The following SPATA13 variants were observed in gnomAD, a reference collection of about 807,000 sequenced individuals.
The protein encoded by SPATA13 is spermatogenesis associated 13.
Under a neutral mutation model 104.0 loss-of-function variants are expected in SPATA13, and 50 were observed. That is an observed-to-expected ratio of 0.48 (90% CI 0.38 to 0.61). SPATA13 has a LOEUF of 0.61. Ranked by LOEUF, SPATA13 falls within the 20% of genes least tolerant of loss-of-function variation. SPATA13 has a pLI of 0.00. For synonymous variants in SPATA13, 606 were observed against 667.5 expected (o/e 0.91, Z 1.42); for missense variants, 1,524 against 1,690.6 (o/e 0.90, Z 1.73).
At chr13:24,084,246 G>C (rs1021628834) in intron 3 of SPATA13, among the ~76,000 whole-genome samples, 1 of 152,198 alleles carries the variant, frequency 6.6e-6, no homozygotes, top group Non-Finnish European at 1.5e-5. Flanking sequence ...GGGGAAAAGG[G>C]CCCCAGGTGC....
rs562217423 is a variant in SPATA13, at chr13:24,183,217, A to G, written c.-112+22285A>G. Among the ~76,000 whole-genome samples, 15 of 152,328 alleles carry G rather than the reference A, an allele frequency of 9.8e-5. No individual in the cohort carries two copies. The South Asian group carries it at 2.9e-3, about 29-fold the overall frequency. On this transcript the variant is annotated intron_variant, in intron 1 of 12. Transcript: ENST00000382108. Reference sequence around the variant, plus strand: ...TGAGGTGCATTTGGCAGAGGGCTGAATTTTTCACATATAAAAACATATATG... The same window carrying G: ...TGAGGTGCATTTGGCAGAGGGCTGAGTTTTTCACATATAAAAACATATATG...
intron 12 of SPATA13, among the ~76,000 whole-genome samples, chr13:24,301,205 C>T (rs1877164692): frequency 6.6e-6 from 1 of 152,178 alleles, no homozygotes; most frequent in Admixed American, 6.5e-5. Context: ...TTCCCGTCAT[C>T]TTTCTACTTT....
At chr13:24,291,367 GT>G in intron 9 of SPATA13, among the ~76,000 whole-genome samples, 1 of 152,300 alleles carries the variant, frequency 6.6e-6, no homozygotes, top group East Asian at 1.9e-4. Flanking sequence ...AAAGTTACTT[GT>G]TGTTAAGCAG....
At chr13:23,988,056 G>T (rs1329436752) in intron 2 of SPATA13, among the ~76,000 whole-genome samples, 2 of 151,486 alleles carry the variant, frequency 1.3e-5, no homozygotes, top group Non-Finnish European at 2.9e-5. Context: ...CAATTCTCCT[G>T]CCTCAGCCTC....
At chr13:24,110,885 C>T (rs1481241363) in intron 3 of SPATA13, among the ~76,000 whole-genome samples, 2 of 152,146 alleles carry the variant, frequency 1.3e-5, no homozygotes, top group Non-Finnish European at 2.9e-5. Flanking sequence ...TATGTTTGCA[C>T]CATCTCTGCG....
chr13:24,014,984 G>A (rs546190237), intron 2 of SPATA13, among the ~76,000 whole-genome samples: 1 of 146,052 alleles, frequency 6.8e-6, no homozygotes, highest in Non-Finnish European at 1.5e-5. Context: ...TCCACTTCCT[G>A]GGTTGATGCC....
At chr13:24,157,960 G>T (rs1882313274), upstream of SPATA13, among the ~76,000 whole-genome samples, 1 of 152,102 alleles carries the variant, frequency 6.6e-6, no homozygotes, top group African/African-American at 2.4e-5. Context: ...ATTGTCTTGA[G>T]GATTTAAGAA....
At chr13:24,067,630 A>G (rs1879009821) in intron 3 of SPATA13, among the ~76,000 whole-genome samples, 1 of 152,238 alleles carries the variant, frequency 6.6e-6, no homozygotes, top group African/African-American at 2.4e-5. Flanking sequence ...GGAAGGCTCT[A>G]TGCTGTGTCA....
At chr13:24,085,690 C>T (rs930675720) in intron 3 of SPATA13, among the ~76,000 whole-genome samples, 11 of 152,178 alleles carry the variant, frequency 7.2e-5, no homozygotes, top group Non-Finnish European at 1.6e-4. Context: ...GTTTACCTCC[C>T]GTGCTGGGCA....
intron 4 of SPATA13, among the ~76,000 whole-genome samples, chr13:24,275,732 G>A (rs931813480): frequency 1.3e-5 from 2 of 152,186 alleles, no homozygotes; most frequent in African/African-American, 4.8e-5. Context: ...TCAGGAGTTT[G>A]AGACCAGCCT....
chr13:24,152,192 G>C (rs761633051), intron 3 of SPATA13, among the ~76,000 whole-genome samples: 1 of 152,258 alleles, frequency 6.6e-6, no homozygotes, highest in Admixed American at 6.5e-5. Context: ...TGTAGATTCA[G>C]TGTCTGGTGA....
intron 4 of SPATA13, among the ~76,000 whole-genome samples, chr13:24,266,398 C>A (rs1430851189): frequency 6.6e-6 from 1 of 152,170 alleles, no homozygotes; most frequent in Non-Finnish European, 1.5e-5. Flanking sequence ...GATTCTCTCA[C>A]CTTAGCCTCC....
rs774641517 is a variant in SPATA13, at chr13:24,300,411, T to C, written c.3594T>C (p.Ile1198=). The change falls in exon 12 of 13, where the codon ATT becomes ATC. Residue 1198 remains isoleucine, a synonymous_variant. Transcript: ENST00000382108. ...VQEDKEMGME[I]SENQKKLAML... ...TATTTCTAAATGCAGGAATGGAAAT[T>C]TCAGAAAACCAGAAGAAACTTGCCA... 1 of 1,612,940 alleles carries C rather than the reference T, an allele frequency of 6.2e-7. No individual in the cohort carries two copies. The highest frequency in any genetic ancestry group is 8.5e-7 in the Non-Finnish European group (1 of 1,179,716).
Position 24,300,261 on chromosome 13 carries a change from G to T in SPATA13, c.3584-140G>T, listed in dbSNP as rs148047517. On this transcript the variant is annotated intron_variant, in intron 11 of 12. Transcript: ENST00000382108. ...CTTCCCCTTTTCTGATCTTCAACCT[G>T]TCCACGTTCTTTGAGGATTAAGGTT... The T allele has an allele frequency of 4.2e-4, 269 of 634,356 alleles. No individual in the cohort carries two copies. In the African/African-American group the frequency reaches 4.4e-3, roughly 10 times the overall value. 39.3% of individuals were successfully genotyped at this position (634,356 alleles called of 1,614,324 possible). A position where few individuals can be genotyped will look rare whatever the true frequency, so the allele number is the denominator to read the frequency against.
At chr13:24,036,967 G>T (rs1319302370) in intron 3 of SPATA13, among the ~76,000 whole-genome samples, 2 of 151,546 alleles carry the variant, frequency 1.3e-5, no homozygotes, top group African/African-American at 4.9e-5. Flanking sequence ...GTAGAGACGG[G>T]GTTTGACCAT....
At chr13:24,009,999 TTAGG>T (rs753651721) in intron 2 of SPATA13, among the ~76,000 whole-genome samples, 1 of 152,188 alleles carries the variant, frequency 6.6e-6, no homozygotes, top group Non-Finnish European at 1.5e-5. Flanking sequence ...CACAAGGCAG[TTAGG>T]GTAAAGCTTG....
chr13:24,171,610 G>A (rs1253585384), intron 1 of SPATA13, among the ~76,000 whole-genome samples: 3 of 152,212 alleles, frequency 2.0e-5, no homozygotes, highest in Non-Finnish European at 2.9e-5. Flanking sequence ...TGGGTCAGCT[G>A]TGCTGACTTC....
At chr13:24,140,478 G>A (rs1881726788) in intron 3 of SPATA13, among the ~76,000 whole-genome samples, 3 of 152,166 alleles carry the variant, frequency 2.0e-5, no homozygotes, top group Non-Finnish European at 4.4e-5. Context: ...GTGGAACCTG[G>A]GTTAAGCGAT....
At chr13:24,126,255 G>T (rs1881212252) in intron 3 of SPATA13, among the ~76,000 whole-genome samples, 1 of 152,184 alleles carries the variant, frequency 6.6e-6, no homozygotes, top group African/African-American at 2.4e-5. Context: ...GATTGAGTCT[G>T]GGGGAGGGGT....
Sources: gnomAD v4.1 joint callset for allele counts (sites outside exome capture counted in the v4.1 genomes callset) on GRCh38, gnomAD v4.1.1 for gene constraint, MANE v1.5 for transcripts, NCBI Gene and HGNC (gene_info 2026-07-23, HGNC 2026-07-21) for gene names.